SPAG16: variants seen among roughly 807,000 people sequenced by gnomAD.
The protein encoded by SPAG16 is sperm associated antigen 16.
In SPAG16, 86 loss-of-function variants were observed where a neutral mutation model predicts 80.4. The observed-to-expected ratio is 1.07, with a 90% CI of 0.90 to 1.28. The LOEUF (loss-of-function observed/expected upper bound fraction) is 1.28, where lower values mean the gene tolerates loss of function less well. SPAG16 is among the 50% of genes most tolerant of loss of function. The pLI, the probability that SPAG16 is intolerant of heterozygous loss-of-function variation, is 0.00. For synonymous variants in SPAG16, 294 were observed against 265.9 expected (o/e 1.11, Z -1.03); for missense variants, 870 against 765.3 (o/e 1.14, Z -1.61).
chr2:214,096,867 C>T (rs1244471495), intron 13 of SPAG16, among the ~76,000 whole-genome samples: 1 of 151,812 alleles, frequency 6.6e-6, no homozygotes, highest in Non-Finnish European at 1.5e-5. Context: ...AAACTAGGAG[C>T]TTTGTTAATG....
At chr2:213,402,575 C>A (rs952684628) in intron 9 of SPAG16, among the ~76,000 whole-genome samples, 4 of 150,834 alleles carry the variant, frequency 2.7e-5, no homozygotes, top group African/African-American at 9.7e-5. Context: ...ATCCCTCCCC[C>A]CTCCCCACAC....
At chr2:213,605,730 C>T (rs970126528) in intron 10 of SPAG16, among the ~76,000 whole-genome samples, 4 of 152,080 alleles carry the variant, frequency 2.6e-5, no homozygotes, top group Non-Finnish European at 2.9e-5. Context: ...ACTTCGTGAT[C>T]GGCCTGCCTC....
At chr2:214,292,371 G>A (rs560560715) in intron 15 of SPAG16, among the ~76,000 whole-genome samples, 1 of 152,084 alleles carries the variant, frequency 6.6e-6, no homozygotes, top group South Asian at 2.1e-4. Context: ...CACCCTCAGG[G>A]ACATTGATAA....
Position 213,459,644 on chromosome 2 carries a change from T to C in SPAG16, c.943-30319T>C, listed in dbSNP as rs79672528. Among the ~76,000 whole-genome samples the C allele has an allele frequency of 8.8e-3, 1,344 of 152,334 alleles. 21 individuals are homozygous for C. The highest frequency in any genetic ancestry group is 0.03 in the African/African-American group (1,254 of 41,574). ...GTTGTAGTCCTTGTTTCAATTTCTT[T>C]GCTTTCTCCATCAGAATTGTCTGGC... On this transcript the variant is annotated intron_variant, in intron 9 of 15. Transcript: ENST00000331683.
At chr2:214,149,981 A>G (rs1488246351) in intron 15 of SPAG16, among the ~76,000 whole-genome samples, 1 of 152,080 alleles carries the variant, frequency 6.6e-6, no homozygotes, top group Non-Finnish European at 1.5e-5. Context: ...ATGTTATTGA[A>G]TAATATATTT....
At position 213,877,603 on chromosome 2, in the gene SPAG16, C is replaced by A. The variant is rs1199668167; in HGVS notation, c.1214+14975C>A. 2.0e-5 allele frequency among the ~76,000 whole-genome samples: 3 copies of A among 152,206 alleles called. No individual in the cohort carries two copies. The East Asian group carries it at 5.8e-4, about 29-fold the overall frequency. On this transcript the variant is annotated intron_variant, in intron 11 of 15. Coordinates refer to ENST00000331683, the MANE Select transcript of SPAG16 (RefSeq NM_024532.5). The stretch of plus-strand genomic sequence containing the variant: ...ATTCTGGGATTATAGGCATGTGCCA[C>A]CACTCCCATCCACATAAGGCATTTT...
intron 10 of SPAG16, among the ~76,000 whole-genome samples, chr2:213,496,008 C>T (rs2074469132): frequency 6.6e-6 from 1 of 152,020 alleles, no homozygotes; most frequent in Non-Finnish European, 1.5e-5. Flanking sequence ...CTGAGAATGT[C>T]AGGAAGGTAT....
At chr2:213,380,281 G>A (rs761884692) in intron 9 of SPAG16, among the ~76,000 whole-genome samples, 2 of 152,202 alleles carry the variant, frequency 1.3e-5, no homozygotes, top group Non-Finnish European at 2.9e-5. Context: ...GGGCTGTGGT[G>A]CTGTAGCTGT....
chr2:213,845,699 C>T (rs2074588876), intron 10 of SPAG16, among the ~76,000 whole-genome samples: 1 of 152,164 alleles, frequency 6.6e-6, no homozygotes, highest in African/African-American at 2.4e-5. Context: ...TGCCATAAAA[C>T]CTCAGTGGCA....
intron 12 of SPAG16, among the ~76,000 whole-genome samples, chr2:213,970,217 T>C (rs2044953977): frequency 6.6e-6 from 1 of 152,208 alleles, no homozygotes; most frequent in Non-Finnish European, 1.5e-5. Flanking sequence ...CCTGTAAATT[T>C]TGGGGGAACA....
chr2:213,605,007 C>T (rs930049689), intron 10 of SPAG16, among the ~76,000 whole-genome samples: 3 of 149,782 alleles, frequency 2.0e-5, no homozygotes, highest in Non-Finnish European at 3.0e-5. Context: ...TTATCTTTTT[C>T]GCATCACCAA....
In SPAG16 at chr2:214,018,445, A is replaced by G. The variant is rs2047697585; in HGVS notation, c.1527+4368A>G. ...AAATTTACATTTTTAGTTAAATAGT[A>G]AGAGATTTTGAAAAGGGTAACCAGA... On this transcript the variant is annotated intron_variant, in intron 13 of 15. Coordinates refer to ENST00000331683, the MANE Select transcript of SPAG16 (RefSeq NM_024532.5). Among the ~76,000 whole-genome samples, 3 of 152,296 alleles carry G rather than the reference A, an allele frequency of 2.0e-5. No homozygotes were observed. In the South Asian group the frequency reaches 6.2e-4, roughly 32 times the overall value.
chr2:213,476,713 C>T (rs1383455975), intron 9 of SPAG16, among the ~76,000 whole-genome samples: 2 of 152,180 alleles, frequency 1.3e-5, no homozygotes, highest in African/African-American at 4.8e-5. Flanking sequence ...TCTTCACTCC[C>T]ATAGCTCAGT....
At chr2:214,109,800 G>T (rs1336330218) in intron 14 of SPAG16, among the ~76,000 whole-genome samples, 2 of 152,122 alleles carry the variant, frequency 1.3e-5, no homozygotes, top group African/African-American at 2.4e-5. Flanking sequence ...TTTATTTCCA[G>T]CAGGGTATGG....
At position 213,526,261 on chromosome 2, in the gene SPAG16, A is replaced by C. The variant is rs192305258; in HGVS notation, c.1070+36171A>C. The stretch of plus-strand genomic sequence containing the variant: ...ATTTTTAGTGTTCATATAATACTCA[A>C]TATTTAGTATTTACACAATATGACT... On this transcript the variant is annotated intron_variant, in intron 10 of 15. Transcript: ENST00000331683. 6.6e-5 allele frequency among the ~76,000 whole-genome samples: 10 copies of C among 152,266 alleles called. No homozygotes were observed. In the East Asian group the frequency reaches 1.7e-3, roughly 26 times the overall value.
intron 15 of SPAG16, among the ~76,000 whole-genome samples, chr2:214,403,025 G>T (rs910441728): frequency 1.5e-4 from 23 of 150,590 alleles, no homozygotes; most frequent in African/African-American, 5.6e-4. Context: ...CAAAGTGGAA[G>T]GGATGACATG....
chr2:214,047,657 A>G (rs970261422), intron 13 of SPAG16, among the ~76,000 whole-genome samples: 5 of 152,142 alleles, frequency 3.3e-5, no homozygotes, highest in Admixed American at 6.6e-5. Flanking sequence ...GCAATACCCT[A>G]CAAGCAAAGG....
chr2:213,427,067 A>G (rs1001186479), intron 9 of SPAG16, among the ~76,000 whole-genome samples: 6 of 152,236 alleles, frequency 3.9e-5, no homozygotes, highest in Admixed American at 1.3e-4. Flanking sequence ...GTATAAAAAT[A>G]AATACAGTTT....
rs111733692 is a variant in SPAG16, at chr2:214,258,218, G to A, written c.1720+108952G>A. ...TGGAGCAATGTACACTGTACCCAAT[G>A]TGTAGTCTTTTATTCCTCACCCCCC... On this transcript the variant is annotated intron_variant, in intron 15 of 15. Transcript: ENST00000331683. Among the ~76,000 whole-genome samples the A allele has an allele frequency of 9.5e-3, 1,437 of 151,604 alleles. 24 individuals carry two copies. The highest frequency in any genetic ancestry group is 0.032 in the African/African-American group (1,339 of 41,488).
Sources: gnomAD v4.1 joint callset for allele counts (sites outside exome capture counted in the v4.1 genomes callset) on GRCh38, gnomAD v4.1.1 for gene constraint, MANE v1.5 for transcripts, NCBI Gene and HGNC (gene_info 2026-07-23, HGNC 2026-07-21) for gene names.